Variants in NXNL2 observed in about 807,000 individuals in gnomAD.
NXNL2 encodes nucleoredoxin-like protein 2.
NXNL2 carries 7 observed loss-of-function variants against 11.1 expected under a neutral mutation model. The observed-to-expected ratio is 0.63, with a 90% confidence interval of 0.36 to 1.18. The LOEUF is 1.18. Among genes scored for constraint, NXNL2 ranks in the 50% most tolerant of loss-of-function variants. The probability of loss-of-function intolerance (pLI) is 0.02; values close to 1 mark genes in which losing one functional copy is unlikely to be tolerated. For missense variants in NXNL2, 233 were observed against 217.7 expected, an observed-to-expected ratio of 1.07 and a Z score of -0.44; for synonymous variants, 109 against 101.8, an observed-to-expected ratio of 1.07 and a Z score of -0.42.
At chr9:88,583,396 A>G (rs1054323767) in intron 1 of NXNL2, among the ~76,000 whole-genome samples, 5 of 151,632 alleles carry the variant, frequency 3.3e-5, no homozygotes, top group African/African-American at 1.2e-4. Context: ...TCCATAGCTC[A>G]CTCTTCTTAG....
At chr9:88,551,021 A>G (rs1364471861) in intron 1 of NXNL2, among the ~76,000 whole-genome samples, 1 of 151,948 alleles carries the variant, frequency 6.6e-6, no homozygotes, top group Non-Finnish European at 1.5e-5. Flanking sequence ...CTTTATTTCC[A>G]TGCTTGTCGG....
At chr9:88,570,481 GTAC>G (rs1276233262) in intron 1 of NXNL2, among the ~76,000 whole-genome samples, 1 of 152,128 alleles carries the variant, frequency 6.6e-6, no homozygotes, top group Non-Finnish European at 1.5e-5. Context: ...ATATGGAGAT[GTAC>G]TAGGTTTGAA....
At position 88,544,696 on chromosome 9, in the gene NXNL2, T is replaced by C; in HGVS notation, c.*149T>C. The C allele has an allele frequency of 2.8e-6, 4 of 1,411,454 alleles. No homozygotes were observed. The highest frequency in any genetic ancestry group is 3.7e-6 in the Non-Finnish European group (4 of 1,084,650). 87.4% of individuals were successfully genotyped at this position (1,411,454 alleles called of 1,614,324 possible). On this transcript the variant is annotated 3_prime_UTR_variant, in exon 2 of 2. Transcript: ENST00000375854. Reference sequence around the variant, plus strand: ...CACTAAGCTGTGGTCAAAAAGCAACTATTGCTCAGGAAATAATACACTCCA... The same window carrying C: ...CACTAAGCTGTGGTCAAAAAGCAACCATTGCTCAGGAAATAATACACTCCA...
chr9:88,546,235 T>G (rs2118435461), downstream of NXNL2, among the ~76,000 whole-genome samples: 1 of 151,664 alleles, frequency 6.6e-6, no homozygotes, highest in South Asian at 2.1e-4. Context: ...GTAAACGTGC[T>G]TGTAACTGCC....
chr9:88,562,885 C>T (rs1297377654), intron 1 of NXNL2, among the ~76,000 whole-genome samples: 6 of 152,012 alleles, frequency 3.9e-5, no homozygotes, highest in Non-Finnish European at 7.4e-5. Flanking sequence ...GTCAAGAGAT[C>T]GAGACCATCC....
At chr9:88,563,247 T>C (rs1185455971) in intron 1 of NXNL2, among the ~76,000 whole-genome samples, 1 of 152,236 alleles carries the variant, frequency 6.6e-6, no homozygotes, top group African/African-American at 2.4e-5. Context: ...CTCACACATA[T>C]GTGTGTACAC....
intron 2 of NXNL2, among the ~76,000 whole-genome samples, chr9:88,573,091 C>T (rs927259934): frequency 2.6e-5 from 4 of 152,130 alleles, no homozygotes; most frequent in Admixed American, 6.5e-5. Flanking sequence ...TACTAGCTTG[C>T]TATTGAACAT....
intron 1 of NXNL2, among the ~76,000 whole-genome samples, chr9:88,565,216 C>A (rs1289037779): frequency 1.3e-5 from 2 of 152,312 alleles, no homozygotes; most frequent in East Asian, 3.9e-4. Flanking sequence ...GGCTGGATAA[C>A]ATTCCATTGT....
In NXNL2 at chr9:88,552,473, G is replaced by GTT. The variant is rs59133640; in HGVS notation, c.302+16753_302+16754dup. Among the ~76,000 whole-genome samples the GTT allele has an allele frequency of 2.9e-3, 384 of 131,562 alleles. 4 individuals are homozygous for GTT. Among genetic ancestry groups the GTT allele is most frequent in the South Asian group, 9.3e-3 (39 of 4,174 alleles). 86.3% of individuals were successfully genotyped at this position (131,562 alleles called of 152,430 possible). On this transcript the variant is annotated intron_variant, in intron 1 of 2. Transcript: ENST00000375855. ...CTAGTTTTCTGCTTTAAACATGCAT[G>GTT]TTTTTTTTTTTTTTTTTGAGATGGA... is the stretch of plus-strand genomic sequence containing the variant.
In NXNL2 at chr9:88,544,719, C is replaced by G. The variant is rs1829825229; in HGVS notation, c.*172C>G. The G allele has an allele frequency of 2.2e-6, 3 of 1,382,714 alleles. No individual in the cohort carries two copies. In the South Asian group the frequency reaches 5.4e-5, roughly 25 times the overall value. 85.7% of individuals were successfully genotyped at this position (1,382,714 alleles called of 1,614,324 possible). A position where few individuals can be genotyped will look rare whatever the true frequency, so the allele number is the denominator to read the frequency against. ...ACTATTGCTCAGGAAATAATACACT[C>G]CATATTTTGATCATGCAGGCTGTTT... On this transcript the variant is annotated 3_prime_UTR_variant, in exon 2 of 2. Coordinates refer to ENST00000375854, the MANE Select transcript of NXNL2 (RefSeq NM_001161625.2).
chr9:88,569,074 G>A (rs1036950889), intron 1 of NXNL2, among the ~76,000 whole-genome samples: 2 of 152,080 alleles, frequency 1.3e-5, no homozygotes, highest in Non-Finnish European at 2.9e-5. Flanking sequence ...ATACAGGCAT[G>A]CACCGCCACA....
At chr9:88,578,745 A>C (rs1830377319), downstream of NXNL2, among the ~76,000 whole-genome samples, 1 of 152,244 alleles carries the variant, frequency 6.6e-6, no homozygotes. Context: ...TCCTTAGGGC[A>C]CAGGAACTGG....
At position 88,544,498 on chromosome 9, in the gene NXNL2, T is replaced by C; in HGVS notation, c.422T>C (p.Phe141Ser). ...ATCCGGGAACGGGGGTTGGCCTGCT[T>C]CCAGGACTGGGTGGAGGCGGCCGAT... ...KQIRERGLAC[F>S]QDWVEAADIF... The change falls in exon 2 of 2, where the codon TTC (phenylalanine) becomes TCC (serine). Residue 141 changes from phenylalanine (F) to serine (S), a missense_variant. Physicochemically the swap from Phe to Ser is radical, Grantham distance 155. Transcript: ENST00000375854. 6.4e-7 allele frequency: 1 copy of C among 1,551,184 alleles called. No individual in the cohort carries two copies. The highest frequency in any genetic ancestry group is 8.7e-7 in the Non-Finnish European group (1 of 1,146,760).
intron 1 of NXNL2, among the ~76,000 whole-genome samples, chr9:88,558,083 C>G (rs1242227465): frequency 6.6e-6 from 1 of 152,092 alleles, no homozygotes; most frequent in Non-Finnish European, 1.5e-5. Context: ...GAAATGACTG[C>G]TGGTTGGGGG....
chr9:88,566,302 T>C (rs1830169590), intron 1 of NXNL2, among the ~76,000 whole-genome samples: 2 of 146,870 alleles, frequency 1.4e-5, no homozygotes, highest in Admixed American at 6.8e-5. Context: ...TTTTCTTTTC[T>C]TTTTTTTTTT....
chr9:88,547,141 C>T (rs1323613025), downstream of NXNL2, among the ~76,000 whole-genome samples: 2 of 152,210 alleles, frequency 1.3e-5, no homozygotes, highest in Non-Finnish European at 2.9e-5. Context: ...CCCGTGGGCG[C>T]TAACATCTGA....
At chr9:88,572,821 G>A (rs113595082) in intron 2 of NXNL2, among the ~76,000 whole-genome samples, 2 of 152,276 alleles carry the variant, frequency 1.3e-5, no homozygotes, top group African/African-American at 4.8e-5. Context: ...GTGAAGAGGC[G>A]CCCAAGACAG....
chr9:88,552,473 G>GTTT (rs59133640), intron 1 of NXNL2, among the ~76,000 whole-genome samples: 1 of 131,564 alleles, frequency 7.6e-6, no homozygotes, highest in African/African-American at 2.8e-5. Flanking sequence ...AAACATGCAT[G>GTTT]TTTTTTTTTT....
intron 1 of NXNL2, among the ~76,000 whole-genome samples, chr9:88,581,443 T>C (rs1050975534): frequency 2.0e-5 from 3 of 152,162 alleles, no homozygotes; most frequent in Admixed American, 2.0e-4. Context: ...CTTTTTCTTT[T>C]TTTTTTTTGA....
Sources: allele counts gnomAD v4.1 joint callset (sites outside exome capture counted in the v4.1 genomes callset), GRCh38; gene constraint gnomAD v4.1.1; transcripts MANE v1.5; gene names NCBI Gene and HGNC (gene_info 2026-07-23, HGNC 2026-07-21).